CDH18: variants seen among roughly 807,000 people sequenced by gnomAD.
CDH18 encodes the protein cadherin 18, also known as cadherin-18.
In CDH18, 31 loss-of-function variants were observed where a neutral mutation model predicts 67.9. That is an observed-to-expected ratio of 0.46 (90% CI 0.34 to 0.62). The LOEUF is 0.62. Among genes scored for constraint, CDH18 ranks in the 20% least tolerant of loss-of-function variants. The probability of loss-of-function intolerance (pLI) is 0.01; values close to 1 mark genes in which losing one functional copy is unlikely to be tolerated. For missense variants in CDH18, 890 were observed against 975.5 expected (o/e 0.91, Z 1.17); for synonymous variants, 362 against 347.2 (o/e 1.04, Z -0.48).
chr5:19,479,293 C>T (rs1739001052), intron 12 of CDH18, among the ~76,000 whole-genome samples: 1 of 152,100 alleles, frequency 6.6e-6, no homozygotes, highest in East Asian at 1.9e-4. Flanking sequence ...ATTAATTTTA[C>T]AATTTGTTTA....
chr5:20,059,985 G>A (rs1742320077), intron 2 of CDH18, among the ~76,000 whole-genome samples: 1 of 151,826 alleles, frequency 6.6e-6, no homozygotes, highest in African/African-American at 2.4e-5. Flanking sequence ...GGGGCTGGGG[G>A]GCTAGGGGAG....
chr5:20,454,633 A>G (rs2150212274), intron 1 of CDH18, among the ~76,000 whole-genome samples: 1 of 152,218 alleles, frequency 6.6e-6, no homozygotes, highest in East Asian at 1.9e-4. Context: ...ATAACAAGTT[A>G]GCTTGTTACT....
intron 7 of CDH18, among the ~76,000 whole-genome samples, chr5:19,587,221 T>C (rs1580352838): frequency 6.6e-6 from 1 of 152,238 alleles, no homozygotes; most frequent in East Asian, 1.9e-4. Flanking sequence ...AATTATTAGA[T>C]TGGTACAAAA....
At chr5:19,971,747 T>C (rs1342479332) in intron 2 of CDH18, among the ~76,000 whole-genome samples, 1 of 151,794 alleles carries the variant, frequency 6.6e-6, no homozygotes, top group East Asian at 1.9e-4. Flanking sequence ...TAATGAGTAC[T>C]ATGCTTAATA....
chr5:20,309,058 TAAG>T (rs1425058223), intron 1 of CDH18, among the ~76,000 whole-genome samples: 2 of 152,210 alleles, frequency 1.3e-5, no homozygotes, highest in Non-Finnish European at 2.9e-5. Flanking sequence ...GGAATTATAA[TAAG>T]AAAACTAAAC....
chr5:20,363,675 G>A (rs1403247609), intron 1 of CDH18, among the ~76,000 whole-genome samples: 1 of 150,312 alleles, frequency 6.7e-6, no homozygotes, highest in Non-Finnish European at 1.5e-5. Context: ...TCTGCCTTCT[G>A]CACTCCCATC....
At chr5:19,966,078 C>G (rs1206101706) in intron 2 of CDH18, among the ~76,000 whole-genome samples, 1 of 152,082 alleles carries the variant, frequency 6.6e-6, no homozygotes, top group Non-Finnish European at 1.5e-5. Context: ...GAACTTCGTA[C>G]TATACACACT....
chr5:20,042,272 G>A (rs1428712782), intron 2 of CDH18, among the ~76,000 whole-genome samples: 2 of 152,210 alleles, frequency 1.3e-5, no homozygotes, highest in African/African-American at 2.4e-5. Context: ...ATTTTGTTGA[G>A]TTTACATAAT....
intron 2 of CDH18, among the ~76,000 whole-genome samples, chr5:19,926,473 A>C (rs2150184648): frequency 6.6e-6 from 1 of 152,274 alleles, no homozygotes; most frequent in East Asian, 1.9e-4. Flanking sequence ...TATCTTTGGT[A>C]ATCAAAATAT....
At chr5:19,738,600 G>T (rs895115517) in intron 4 of CDH18, among the ~76,000 whole-genome samples, 7 of 152,094 alleles carry the variant, frequency 4.6e-5, no homozygotes, top group Non-Finnish European at 7.4e-5. Context: ...TACAATTTAT[G>T]CAGAAAAATA....
At chr5:19,642,570 G>C (rs1249181888) in intron 5 of CDH18, among the ~76,000 whole-genome samples, 1 of 151,950 alleles carries the variant, frequency 6.6e-6, no homozygotes, top group Non-Finnish European at 1.5e-5. Flanking sequence ...AGAAAATACA[G>C]GGAAATTATA....
intron 1 of CDH18, among the ~76,000 whole-genome samples, chr5:20,272,742 A>G (rs189196525): frequency 2.3e-3 from 350 of 152,152 alleles, no homozygotes; most frequent in Middle Eastern, 3.4e-3. Flanking sequence ...TCATTCTACA[A>G]ATGTATATTC....
intron 3 of CDH18, among the ~76,000 whole-genome samples, chr5:19,774,640 G>A (rs1257687119): frequency 6.7e-6 from 1 of 149,714 alleles, no homozygotes; most frequent in Admixed American, 6.7e-5. Flanking sequence ...TCACCAATAT[G>A]GTGAAACCCC....
At chr5:20,078,878 A>C (rs1013330683) in intron 2 of CDH18, among the ~76,000 whole-genome samples, 1 of 152,180 alleles carries the variant, frequency 6.6e-6, no homozygotes, top group Admixed American at 6.5e-5. Context: ...GGCCTCCCAA[A>C]GTGCTGGGAT....
intron 2 of CDH18, among the ~76,000 whole-genome samples, chr5:20,093,201 T>C (rs771563794): frequency 4.0e-5 from 6 of 151,388 alleles, no homozygotes; most frequent in Non-Finnish European, 8.9e-5. Flanking sequence ...CAAGACACCA[T>C]CTCACTCACA....
chr5:20,436,659 G>T lies in CDH18; in HGVS notation c.-580+138803C>A, dbSNP rs139129855. On this transcript the variant is annotated intron_variant, in intron 1 of 14. Coordinates refer to the CDH18 transcript ENST00000507958. ...ATATATATGAATACATACATATTTA[G>T]ACCCATATGCATACACATATATACA... Among the ~76,000 whole-genome samples the T allele has an allele frequency of 4.1e-4, 62 of 150,574 alleles. 1 individual carries two copies. Among genetic ancestry groups the T allele is most frequent in the African/African-American group, 1.3e-3 (53 of 41,160 alleles).
chr5:20,040,286 T>C (rs1529901), intron 2 of CDH18, among the ~76,000 whole-genome samples: 3 of 151,850 alleles, frequency 2.0e-5, no homozygotes, highest in Non-Finnish European at 4.4e-5. Context: ...AAGAATAATA[T>C]TAATAATAAA....
At position 19,773,276 on chromosome 5, in the gene CDH18, G is replaced by C. The variant is rs1380196817; in HGVS notation, c.229-26040C>G. On this transcript the variant is annotated intron_variant, in intron 3 of 12. Transcript: ENST00000382275. ...CATCAGAAGTCTGAAAAGGTAAGTA[G>C]AGCTCAGTCCCTTGAATGGCATGCT... 2.0e-5 allele frequency among the ~76,000 whole-genome samples: 3 copies of C among 152,230 alleles called. No individual in the cohort carries two copies. In the South Asian group the frequency reaches 6.2e-4, roughly 32 times the overall value.
chr5:19,472,110 G>A lies in CDH18; in HGVS notation c.*1116C>T, dbSNP rs1737700037. On this transcript the variant is annotated 3_prime_UTR_variant, in exon 13 of 13. Coordinates refer to ENST00000382275, the MANE Select transcript of CDH18 (RefSeq NM_004934.5). ...CCTGTTGATACCAAACTAATTATCA[G>A]TGAGATGGAAAAAATCTGAAACTGT... is the stretch of plus-strand genomic sequence containing the variant. Among the ~76,000 whole-genome samples the A allele has an allele frequency of 6.6e-6, 1 of 152,114 alleles. No homozygotes were observed.
Sources: allele counts gnomAD v4.1 joint callset (sites outside exome capture counted in the v4.1 genomes callset), GRCh38; gene constraint gnomAD v4.1.1; transcripts MANE v1.5; gene names NCBI Gene and HGNC (gene_info 2026-07-23, HGNC 2026-07-21).